TP53BP2: variants seen among roughly 807,000 people sequenced by gnomAD.
The protein encoded by TP53BP2 is apoptosis-stimulating of p53 protein 2.
In TP53BP2, 62 loss-of-function variants were observed where a neutral mutation model predicts 126.2. That is an observed-to-expected ratio of 0.49 (90% CI 0.40 to 0.61). The LOEUF is 0.61. Ranked by LOEUF, TP53BP2 falls within the 20% of genes least tolerant of loss-of-function variation. The pLI is 0.00. For missense variants in TP53BP2, 1,215 were observed against 1,402.8 expected (o/e 0.87, Z 2.14); for synonymous variants, 485 against 502.9 (o/e 0.96, Z 0.48).
chr1:223,825,784 C>A (rs1337749754), intron 1 of TP53BP2: 1 of 152,186 alleles, frequency 6.6e-6, no homozygotes, highest in Non-Finnish European at 1.5e-5. Flanking sequence ...AAGGACACAG[C>A]CAGCCCACAG....
intron 4 of TP53BP2, among the ~76,000 whole-genome samples, chr1:223,809,056 A>AAT (rs1662821742): frequency 6.6e-6 from 1 of 151,974 alleles, no homozygotes; most frequent in South Asian, 2.1e-4. Flanking sequence ...GCTTTTTAAA[A>AAT]ATATATATAT....
intron 15 of TP53BP2, among the ~76,000 whole-genome samples, chr1:223,790,242 ACT>A (rs1168111754): frequency 6.7e-6 from 1 of 149,828 alleles, no homozygotes; most frequent in African/African-American, 2.5e-5. Flanking sequence ...ACACAGCAAG[ACT>A]CTGTCTCAAA....
chr1:223,784,428 AG>A, intron 16 of TP53BP2, 114 bp from the exon 17 acceptor site: 2 of 897,218 alleles, frequency 2.2e-6, no homozygotes, highest in Non-Finnish European at 3.5e-6. Context: ...CTGGAATGTT[AG>A]TACTACATTA....
At chr1:223,830,744 GGAAAATGTTAA>G (rs1467803591) in intron 1 of TP53BP2, among the ~76,000 whole-genome samples, 4 of 152,134 alleles carry the variant, frequency 2.6e-5, no homozygotes, top group African/African-American at 7.2e-5. Flanking sequence ...TAGAGTGTTA[GGAAAATGTTAA>G]GAAAAAGTTA....
chr1:223,827,872 G>A (rs1054256010), intron 1 of TP53BP2, among the ~76,000 whole-genome samples: 5 of 151,984 alleles, frequency 3.3e-5, no homozygotes, highest in Non-Finnish European at 5.9e-5. Context: ...AATGCAGGCA[G>A]GCACACATGT....
chr1:223,814,455 C>A, intron 2 of TP53BP2, 102 bp from the exon 3 acceptor site: 1 of 831,610 alleles, frequency 1.2e-6, no homozygotes, highest in Non-Finnish European at 1.9e-6. Flanking sequence ...ATGGATACAA[C>A]AAATGCTTAG....
chr1:223,808,377 C>G (rs968313262), intron 4 of TP53BP2, among the ~76,000 whole-genome samples: 1 of 151,868 alleles, frequency 6.6e-6, no homozygotes, highest in Non-Finnish European at 1.5e-5. Context: ...CCCATCTCTA[C>G]TAAAAATATA....
At chr1:223,811,272 A>T (rs1275645001) in intron 3 of TP53BP2, among the ~76,000 whole-genome samples, 1 of 152,164 alleles carries the variant, frequency 6.6e-6, no homozygotes, top group African/African-American at 2.4e-5. Context: ...TTAAAAATAT[A>T]TTAAGCTCAT....
intron 2 of TP53BP2, among the ~76,000 whole-genome samples, chr1:223,820,729 G>C (rs995528756): frequency 6.6e-6 from 1 of 152,148 alleles, no homozygotes; most frequent in African/African-American, 2.4e-5. Context: ...CTCCTATGGA[G>C]CCAAAAAGAA....
At chr1:223,835,162 G>C (rs958757395) in intron 1 of TP53BP2, among the ~76,000 whole-genome samples, 2 of 152,220 alleles carry the variant, frequency 1.3e-5, no homozygotes, top group African/African-American at 2.4e-5. Context: ...GAAGCATCAA[G>C]AAATGTTTAT....
rs1662298361 is a variant in TP53BP2 at position 223,795,817 on chromosome 1, G to A, written c.2722C>T (p.Pro908Ser). The A allele has an allele frequency of 6.5e-7, 1 of 1,531,118 alleles. No individual in the cohort carries two copies. The highest frequency in any genetic ancestry group is 8.8e-7 in the Non-Finnish European group (1 of 1,141,092). The allele number at this position is 1,531,118 out of a possible 1,614,324, so 94.8% of individuals were successfully genotyped here. ...CTATGAGATAGTACATTACTTACAGGAGGCAGAGAGACCTGCCCGGTGATT... is the reference window on the plus strand; with the variant it reads ...CTATGAGATAGTACATTACTTACAGAAGGCAGAGAGACCTGCCCGGTGATT... ...PEITGQVSLP[P>S]GKRTNLRKTG... Residue 908 changes from proline (P) to serine (S), a missense_variant and splice_region_variant, in exon 13 of 18, where the codon CCT (proline) becomes TCT (serine). This residue lies in a region of TP53BP2 where 204 missense variants were observed against 225.7 expected (regional missense o/e 0.90). Transcript: ENST00000343537.
At chr1:223,842,398 A>C (rs1664129001) in intron 1 of TP53BP2, among the ~76,000 whole-genome samples, 1 of 152,212 alleles carries the variant, frequency 6.6e-6, no homozygotes, top group African/African-American at 2.4e-5. Flanking sequence ...GAAGTGCAGT[A>C]GCCACATGTG....
intron 4 of TP53BP2, among the ~76,000 whole-genome samples, chr1:223,807,636 A>G (rs1184038596): frequency 6.6e-6 from 1 of 152,174 alleles, no homozygotes; most frequent in Non-Finnish European, 1.5e-5. Flanking sequence ...ATCAATATGC[A>G]AAAGTCAAGT....
intron 4 of TP53BP2, among the ~76,000 whole-genome samples, chr1:223,808,683 G>A (rs1426192628): frequency 6.6e-6 from 1 of 150,658 alleles, no homozygotes; most frequent in African/African-American, 2.4e-5. Context: ...ATGACCCTGG[G>A]TTGGGCAAAG....
intron 1 of TP53BP2, among the ~76,000 whole-genome samples, chr1:223,822,902 A>G (rs918193370): frequency 2.6e-5 from 4 of 152,204 alleles, no homozygotes; most frequent in Non-Finnish European, 5.9e-5. Flanking sequence ...GAGTAACTCC[A>G]TGCAAGTCAG....
At chr1:223,843,315 C>A (rs1183048016) in intron 1 of TP53BP2, among the ~76,000 whole-genome samples, 1 of 152,066 alleles carries the variant, frequency 6.6e-6, no homozygotes, top group Admixed American at 6.5e-5. Context: ...GGACTACAGG[C>A]GCACGCCACC....
At position 223,801,324 on chromosome 1, in the gene TP53BP2, A is replaced by G. The variant is rs1662520141; in HGVS notation, c.1226-514T>C. On this transcript the variant is annotated intron_variant, in intron 9 of 17. Transcript: ENST00000343537. ...CAAAGCAAATATAACTCTTTCCACA[A>G]TAAAATCCAGACTGCATGGTACTAT... is the stretch of plus-strand genomic sequence containing the variant. 2.0e-5 allele frequency among the ~76,000 whole-genome samples: 3 copies of G among 152,226 alleles called. No individual in the cohort carries two copies. In the South Asian group the frequency reaches 6.2e-4, roughly 32 times the overall value.
intron 14 of TP53BP2, 82 bp downstream of exon 14, chr1:223,793,221 A>C: frequency 9.1e-7 from 1 of 1,096,806 alleles, no homozygotes; most frequent in Non-Finnish European, 1.2e-6. Flanking sequence ...TCATATTTTA[A>C]AAATTTACTA....
chr1:223,820,298 A>G (rs545697858), intron 2 of TP53BP2, among the ~76,000 whole-genome samples: 1 of 152,238 alleles, frequency 6.6e-6, no homozygotes, highest in Non-Finnish European at 1.5e-5. Context: ...AGAACTTCAC[A>G]ACCTAATATT....
Sources: allele counts gnomAD v4.1 joint callset (sites outside exome capture counted in the v4.1 genomes callset), GRCh38; gene constraint gnomAD v4.1.1; regional missense constraint gnomAD v4.1.1; transcripts MANE v1.5; gene names NCBI Gene and HGNC (gene_info 2026-07-23, HGNC 2026-07-21).